ATG5: variants seen among roughly 807,000 people sequenced by gnomAD.
The protein encoded by ATG5 is autophagy related 5.
A neutral mutation model predicts 36.5 loss-of-function variants in ATG5; 14 were observed. The ratio of observed to expected loss-of-function variants is 0.38; its 90% CI spans 0.25 to 0.60. ATG5 has a LOEUF of 0.60. Ranked by LOEUF, ATG5 falls within the 20% of genes least tolerant of loss-of-function variation. The pLI is 0.60. For missense variants in ATG5, 195 were observed against 326.7 expected (o/e 0.60, Z 3.11); for synonymous variants, 95 against 101.5 (o/e 0.94, Z 0.38).
chr6:106,202,180 A>G, intron 6 of ATG5, 91 bp from the exon 7 acceptor site: 1 of 950,248 alleles, frequency 1.1e-6, no homozygotes, highest in Non-Finnish European at 1.7e-6. Flanking sequence ...TGTTGGCATT[A>G]GGTGCCTTTT....
intron 6 of ATG5, among the ~76,000 whole-genome samples, chr6:106,239,163 G>GA (rs11461527): frequency 0.026 from 3,719 of 144,028 alleles, 60 homozygotes; most frequent in African/African-American, 0.052. Context: ...AATAAAGCAA[G>GA]AAAAAAAAAA....
chr6:106,291,213 A>G (rs1403299779), intron 4 of ATG5, among the ~76,000 whole-genome samples: 1 of 152,246 alleles, frequency 6.6e-6, no homozygotes, highest in Admixed American at 6.5e-5. Flanking sequence ...ATCATACAGG[A>G]TACTAAAAAG....
chr6:106,200,144 T>G (rs1269718249), intron 7 of ATG5, among the ~76,000 whole-genome samples: 1 of 152,160 alleles, frequency 6.6e-6, no homozygotes, highest in Non-Finnish European at 1.5e-5. Flanking sequence ...TAAGGAAAAT[T>G]GCAATATTCT....
intron 4 of ATG5, among the ~76,000 whole-genome samples, chr6:106,292,425 C>T (rs1780346361): frequency 6.6e-6 from 1 of 152,184 alleles, no homozygotes; most frequent in African/African-American, 2.4e-5. Context: ...ACACTAAATT[C>T]AGTCTGGTCT....
intron 5 of ATG5, among the ~76,000 whole-genome samples, chr6:106,250,326 T>C (rs1040803832): frequency 4.6e-5 from 7 of 152,148 alleles, no homozygotes; most frequent in Admixed American, 1.3e-4. Flanking sequence ...CTTACTCTAA[T>C]CTTCAACTCC....
At chr6:106,206,979 T>C (rs1265770966) in intron 6 of ATG5, among the ~76,000 whole-genome samples, 2 of 152,210 alleles carry the variant, frequency 1.3e-5, no homozygotes, top group African/African-American at 2.4e-5. Context: ...AAATCTTAGG[T>C]TGACAGACAA....
intron 7 of ATG5, among the ~76,000 whole-genome samples, chr6:106,195,808 T>TAAAA (rs35892579): frequency 3.3e-5 from 3 of 91,368 alleles, no homozygotes; most frequent in South Asian, 4.2e-4. Flanking sequence ...TGCTCCCCTC[T>TAAAA]AAAAAAAAAA....
intron 5 of ATG5, among the ~76,000 whole-genome samples, chr6:106,264,249 T>C (rs1293174466): frequency 6.6e-6 from 1 of 151,786 alleles, no homozygotes; most frequent in Non-Finnish European, 1.5e-5. Flanking sequence ...ATATCAGAGA[T>C]TGAAGATCAA....
chr6:106,307,009 C>T (rs917783124), intron 3 of ATG5, among the ~76,000 whole-genome samples: 3 of 152,176 alleles, frequency 2.0e-5, no homozygotes, highest in Non-Finnish European at 4.4e-5. Context: ...CATAAATTCC[C>T]AGAACCATCT....
intron 5 of ATG5, among the ~76,000 whole-genome samples, chr6:106,260,907 G>C (rs1778993439): frequency 1.3e-5 from 2 of 152,082 alleles, no homozygotes; most frequent in South Asian, 4.2e-4. Flanking sequence ...ATGTCACAGG[G>C]GTCAGGTGTG....
intron 7 of ATG5, among the ~76,000 whole-genome samples, chr6:106,194,062 T>C (rs1776077844): frequency 6.6e-6 from 1 of 152,210 alleles, no homozygotes. Context: ...AATGTCATCA[T>C]TTCCAGTAGT....
At chr6:106,256,813 A>T (rs1047158455) in intron 5 of ATG5, among the ~76,000 whole-genome samples, 16 of 152,196 alleles carry the variant, frequency 1.1e-4, no homozygotes, top group African/African-American at 3.9e-4. Flanking sequence ...GTGAATGTGA[A>T]GGCCTAGGAC....
intron 7 of ATG5, among the ~76,000 whole-genome samples, chr6:106,189,968 G>A (rs1445488720): frequency 1.3e-5 from 2 of 152,020 alleles, no homozygotes; most frequent in African/African-American, 2.4e-5. Flanking sequence ...TTTTTGTTAT[G>A]ATTTCAAACT....
At chr6:106,224,222 T>TA (rs1173683582) in intron 6 of ATG5, among the ~76,000 whole-genome samples, 1 of 152,244 alleles carries the variant, frequency 6.6e-6, no homozygotes, top group Non-Finnish European at 1.5e-5. Context: ...GCAGTCTAGC[T>TA]ATATTTTAGG....
intron 3 of ATG5, among the ~76,000 whole-genome samples, chr6:106,302,625 G>C (rs188032593): frequency 6.6e-6 from 1 of 152,188 alleles, no homozygotes; most frequent in East Asian, 1.9e-4. Flanking sequence ...CTAGAGGCTA[G>C]ATGATGAGGG....
chr6:106,192,499 C>T (rs1247357725), intron 7 of ATG5, among the ~76,000 whole-genome samples: 1 of 152,082 alleles, frequency 6.6e-6, no homozygotes, highest in African/African-American at 2.4e-5. Context: ...TTCCTTCTTA[C>T]TATTAATATT....
chr6:106,286,755 A>G (rs1206743732), intron 4 of ATG5, among the ~76,000 whole-genome samples: 1 of 152,230 alleles, frequency 6.6e-6, no homozygotes, highest in Admixed American at 6.5e-5. Flanking sequence ...TCCACATGAC[A>G]AGAACTTCAC....
rs551319869 is a variant in ATG5 at position 106,309,983 on chromosome 6, G to A, written c.109-1492C>T. Among the ~76,000 whole-genome samples, 3 of 152,228 alleles carry A rather than the reference G, an allele frequency of 2.0e-5. No homozygotes were observed. The East Asian group carries it at 5.8e-4, about 29-fold the overall frequency. Reference sequence around the variant, plus strand: ...GGATATATCAGCTCCTGATTTTGGAGAGTGTTGTATTACATGCCTTGGCTT... The same window carrying A: ...GGATATATCAGCTCCTGATTTTGGAAAGTGTTGTATTACATGCCTTGGCTT... On this transcript the variant is annotated intron_variant, in intron 2 of 7. Transcript: ENST00000369076.
intron 5 of ATG5, among the ~76,000 whole-genome samples, chr6:106,272,167 A>G (rs1219210444): frequency 1.3e-5 from 2 of 152,244 alleles, no homozygotes; most frequent in Admixed American, 1.3e-4. Context: ...CTGGTCTGAT[A>G]TGACCACTGG....
Sources: allele counts gnomAD v4.1 joint callset (sites outside exome capture counted in the v4.1 genomes callset), GRCh38; gene constraint gnomAD v4.1.1; transcripts MANE v1.5; gene names NCBI Gene and HGNC (gene_info 2026-07-23, HGNC 2026-07-21).